The following GET1 variants were observed in gnomAD, a reference collection of about 807,000 sequenced individuals.
GET1 encodes congenital heart disease 5 protein.
In GET1, 20 loss-of-function variants were observed where a neutral mutation model predicts 22.6. That is an observed-to-expected ratio of 0.89 (90% CI 0.62 to 1.29). The LOEUF (loss-of-function observed/expected upper bound fraction) is 1.29, where lower values mean the gene tolerates loss of function less well. GET1 is among the 50% of genes most tolerant of loss of function. GET1 has a pLI of 0.00. For missense variants in GET1, 209 were observed against 219.9 expected, an observed-to-expected ratio of 0.95 and a Z score of 0.31; for synonymous variants, 92 against 83.8, an observed-to-expected ratio of 1.10 and a Z score of -0.53.
At chr21:39,413,081 C>T (rs1233952547) in intron 1 of GET1, among the ~76,000 whole-genome samples, 8 of 152,166 alleles carry the variant, frequency 5.3e-5, no homozygotes, top group Admixed American at 4.6e-4. Flanking sequence ...ATTTATTTGA[C>T]CAGACTGAGA....
intron 1 of GET1, among the ~76,000 whole-genome samples, chr21:39,426,739 G>A (rs1169191779): frequency 6.6e-6 from 1 of 152,202 alleles, no homozygotes; most frequent in East Asian, 1.9e-4. Flanking sequence ...TTTCAAATGT[G>A]GATAAGGAAT....
chr21:39,393,322 G>A (rs749922039), intron 4 of GET1, 42 bp downstream of exon 4: 145 of 1,479,870 alleles, frequency 9.8e-5, no homozygotes, highest in Non-Finnish European at 1.3e-4. Flanking sequence ...GTGTGAATAG[G>A]CTTATGTAGA....
chr21:39,422,484 GA>G (rs2073932461), intron 1 of GET1: 1 of 158,466 alleles, frequency 6.3e-6, no homozygotes, highest in Admixed American at 6.5e-5. Context: ...CTGCTATTTT[GA>G]AAATAACTAC....
chr21:39,392,127 G>T, intron 3 of GET1: 1 of 370,044 alleles, frequency 2.7e-6, no homozygotes, highest in African/African-American at 2.1e-5. Context: ...TGAAGGGCCT[G>T]GTGGGATGAA....
intron 1 of GET1, among the ~76,000 whole-genome samples, chr21:39,419,485 A>G (rs1008584830): frequency 6.8e-6 from 1 of 147,272 alleles, no homozygotes; most frequent in Non-Finnish European, 1.5e-5. Flanking sequence ...GGATGGTGCC[A>G]CCGCATTCTA....
chr21:39,422,995 G>T (rs1219349170), intron 1 of GET1: 1 of 1,610,206 alleles, frequency 6.2e-7, no homozygotes. Flanking sequence ...TTTGTCATTT[G>T]CGTCCATTTT....
intron 1 of GET1, among the ~76,000 whole-genome samples, chr21:39,388,224 C>T (rs1481588141): frequency 6.6e-6 from 1 of 152,022 alleles, no homozygotes; most frequent in African/African-American, 2.4e-5. Flanking sequence ...AAAAATTAGT[C>T]GAGTGTGGTG....
At chr21:39,393,376 G>A (rs1049344333) in intron 4 of GET1, 96 bp downstream of exon 4, 12 of 961,566 alleles carry the variant, frequency 1.2e-5, no homozygotes, top group African/African-American at 9.8e-5. Context: ...CCTCCTCACC[G>A]TCCATTTAGT....
intron 1 of GET1, chr21:39,387,797 G>C (rs953299456): frequency 2.0e-6 from 2 of 985,628 alleles, no homozygotes; most frequent in Admixed American, 6.2e-5. Flanking sequence ...CTGGCGGGTC[G>C]CGGCTTCCAA....
chr21:39,386,363 A>C (rs761497339), intron 1 of GET1: 4 of 152,226 alleles, frequency 2.6e-5, no homozygotes, highest in Non-Finnish European at 4.4e-5. Flanking sequence ...TCTCTGCTTC[A>C]CAGGACCTAC....
intron 1 of GET1, among the ~76,000 whole-genome samples, chr21:39,381,222 G>C (rs568667723): frequency 7.9e-5 from 12 of 152,246 alleles, no homozygotes; most frequent in African/African-American, 2.9e-4. Context: ...GACAGGGCGT[G>C]GTGGGGTGTG....
downstream of GET1, among the ~76,000 whole-genome samples, chr21:39,401,169 C>A (rs1333288018): frequency 6.6e-6 from 1 of 152,068 alleles, no homozygotes; most frequent in Non-Finnish European, 1.5e-5. Context: ...CCTGCCTCAG[C>A]CTGCTAAGTA....
chr21:39,399,447 ATTTAT>A (rs1199311043), downstream of GET1, among the ~76,000 whole-genome samples: 2 of 150,226 alleles, frequency 1.3e-5, no homozygotes, highest in Non-Finnish European at 3.0e-5. Flanking sequence ...TTTTTTTTAA[ATTTAT>A]TTTATTTTTT....
intron 1 of GET1, among the ~76,000 whole-genome samples, chr21:39,385,932 C>T (rs2037863799): frequency 6.6e-6 from 1 of 152,050 alleles, no homozygotes; most frequent in Non-Finnish European, 1.5e-5. Context: ...CTAGGACTGG[C>T]GCTGGCTCAG....
rs146939735 is a variant in GET1 at position 39,384,359 on chromosome 21, C to A, written c.102+3873C>A. Among the ~76,000 whole-genome samples, 371 of 151,934 alleles carry A rather than the reference C, an allele frequency of 2.4e-3. 3 individuals are homozygous for A. Among genetic ancestry groups the A allele is most frequent in the African/African-American group, 8.3e-3 (343 of 41,444 alleles). ...GCAACCTCTGCCTCCTGGGTTCAAG[C>A]GATTCTCCTGCCTTAGCCTCCCGAG... On this transcript the variant is annotated intron_variant, in intron 1 of 4. Transcript: ENST00000649170.
At chr21:39,405,929 T>C (rs1057349551) in exon 5 of GET1, 13 of 1,610,912 alleles carry the variant, frequency 8.1e-6, no homozygotes, top group South Asian at 3.3e-5. Context: ...GATGGCTTAA[T>C]AGAATTTACC....
At chr21:39,405,924 C>T in exon 5 of GET1, 1 of 1,609,478 alleles carries the variant, frequency 6.2e-7, no homozygotes, top group South Asian at 1.1e-5. Context: ...GTGACGATGG[C>T]TTAATAGAAT....
chr21:39,387,370 G>T (rs2037974301), intron 1 of GET1, among the ~76,000 whole-genome samples: 1 of 152,096 alleles, frequency 6.6e-6, no homozygotes, highest in Non-Finnish European at 1.5e-5. Context: ...TTAAAAGTCA[G>T]ATTTATTGAA....
At chr21:39,383,606 T>C (rs1306639830) in intron 1 of GET1, among the ~76,000 whole-genome samples, 1 of 143,810 alleles carries the variant, frequency 7.0e-6, no homozygotes, top group Non-Finnish European at 1.5e-5. Flanking sequence ...TGAGAGGGAG[T>C]CTCTCTCTGT....
Sources: gnomAD v4.1 joint callset for allele counts (sites outside exome capture counted in the v4.1 genomes callset) on GRCh38, gnomAD v4.1.1 for gene constraint, MANE v1.5 for transcripts, NCBI Gene and HGNC (gene_info 2026-07-23, HGNC 2026-07-21) for gene names.